Variants in PPFIBP2 observed in about 807,000 individuals in gnomAD.
PPFIBP2 encodes the protein liprin-beta-2.
A neutral mutation model predicts 118.3 loss-of-function variants in PPFIBP2; 118 were observed. The ratio of observed to expected loss-of-function variants is 1.00; its 90% confidence interval spans 0.86 to 1.16. The LOEUF (loss-of-function observed/expected upper bound fraction) is 1.16, where lower values mean the gene tolerates loss of function less well. Among genes scored for constraint, PPFIBP2 ranks in the 50% most tolerant of loss-of-function variants. The pLI, the probability that PPFIBP2 is intolerant of heterozygous loss-of-function variation, is 0.00. For synonymous variants in PPFIBP2, 414 were observed against 397.4 expected (o/e 1.04, Z -0.50); for missense variants, 1,195 against 1,073.1 (o/e 1.11, Z -1.59).
intron 1 of PPFIBP2, among the ~76,000 whole-genome samples, chr11:7,536,978 G>C (rs1851285499): frequency 6.6e-6 from 1 of 152,158 alleles, no homozygotes. Flanking sequence ...AGGTAGAAGG[G>C]ACAGGCTGGC....
In PPFIBP2 at chr11:7,591,273, T is replaced by G. The variant is rs547816523; in HGVS notation, c.280-1859T>G. Among the ~76,000 whole-genome samples the G allele has an allele frequency of 3.0e-4, 46 of 152,080 alleles. No homozygotes were observed. The South Asian group carries it at 6.4e-3, about 21-fold the overall frequency. Reference sequence around the variant, plus strand: ...AGTCTTGCCTTTGGTCTTCTCTCCTTCATTTCCTGCCAGAGAATGGGCGGC... The same window carrying G: ...AGTCTTGCCTTTGGTCTTCTCTCCTGCATTTCCTGCCAGAGAATGGGCGGC... On this transcript the variant is annotated intron_variant, in intron 3 of 23. Coordinates refer to ENST00000299492, the MANE Select transcript of PPFIBP2 (RefSeq NM_003621.5).
intron 3 of PPFIBP2, among the ~76,000 whole-genome samples, chr11:7,592,019 A>G (rs552636648): frequency 2.0e-5 from 3 of 152,334 alleles, no homozygotes; most frequent in South Asian, 4.1e-4. Context: ...GGTCTCTCAC[A>G]TCTGCCTCTT....
chr11:7,579,751 G>C (rs1856982840), intron 3 of PPFIBP2, among the ~76,000 whole-genome samples: 2 of 152,148 alleles, frequency 1.3e-5, no homozygotes, highest in South Asian at 2.1e-4. Flanking sequence ...AGTTTGCTTA[G>C]GGAAACTTTA....
At chr11:7,555,927 T>C (rs2134607299) in intron 2 of PPFIBP2, among the ~76,000 whole-genome samples, 1 of 152,262 alleles carries the variant, frequency 6.6e-6, no homozygotes, top group East Asian at 1.9e-4. Context: ...TTTTTTCTTT[T>C]AATGGTGTGG....
At chr11:7,632,975 A>C in intron 12 of PPFIBP2, 41 bp downstream of exon 12, 1 of 1,582,416 alleles carries the variant, frequency 6.3e-7, no homozygotes, top group Non-Finnish European at 8.7e-7. Context: ...CTGTGCTCTC[A>C]GGCTTGCCTT....
In PPFIBP2 at chr11:7,620,958, C is replaced by T. The variant is rs750618918; in HGVS notation, c.642C>T (p.His214=). ...KAEELLQELR[H]LKIKVEELEN... ...AGGAGTTACTGCAAGAGCTCAGGCA[C>T]CTCAAAATCAAAGTGGAAGAGTTGG... The change falls in exon 7 of 24, where the codon CAC becomes CAT. Residue 214 remains histidine, a synonymous_variant. Transcript: ENST00000299492. 2.2e-5 allele frequency: 36 copies of T among 1,612,122 alleles called. No homozygotes were observed. In the South Asian group the frequency reaches 3.5e-4, roughly 16 times the overall value.
At chr11:7,606,477 G>A (rs1010583377) in intron 5 of PPFIBP2, among the ~76,000 whole-genome samples, 2 of 152,124 alleles carry the variant, frequency 1.3e-5, no homozygotes, top group African/African-American at 4.8e-5. Flanking sequence ...ATCATGACAG[G>A]GGCAAGGGGA....
At chr11:7,606,525 A>G (rs1182415270) in intron 5 of PPFIBP2, among the ~76,000 whole-genome samples, 1 of 152,356 alleles carries the variant, frequency 6.6e-6, no homozygotes, top group Middle Eastern at 3.4e-3. Context: ...GCTAATAGAT[A>G]TAAGCTAGAA....
At chr11:7,611,168 C>T (rs555154773) in intron 6 of PPFIBP2, among the ~76,000 whole-genome samples, 1 of 152,170 alleles carries the variant, frequency 6.6e-6, no homozygotes, top group Non-Finnish European at 1.5e-5. Flanking sequence ...CATTTACTGA[C>T]CTAACTGCTT....
intron 2 of PPFIBP2, among the ~76,000 whole-genome samples, chr11:7,551,350 G>A (rs1852972677): frequency 6.6e-6 from 1 of 152,150 alleles, no homozygotes; most frequent in Non-Finnish European, 1.5e-5. Flanking sequence ...GTCAGGGAGG[G>A]ATGAAAATAC....
intron 17 of PPFIBP2, among the ~76,000 whole-genome samples, chr11:7,645,458 G>A (rs1852920794): frequency 6.6e-6 from 1 of 152,196 alleles, no homozygotes; most frequent in Non-Finnish European, 1.5e-5. Context: ...CATTTGAACT[G>A]CAATTTGAAA....
intron 1 of PPFIBP2, among the ~76,000 whole-genome samples, chr11:7,527,598 C>G (rs11041427): frequency 0.44 from 67,051 of 151,908 alleles, 15,227 homozygotes; most frequent in African/African-American, 0.53. Flanking sequence ...CCCCCTTACT[C>G]AAACAGATAG....
intron 6 of PPFIBP2, among the ~76,000 whole-genome samples, chr11:7,614,825 A>C (rs998663247): frequency 6.6e-6 from 1 of 152,268 alleles, no homozygotes. Flanking sequence ...GTAGTTTCAC[A>C]TAGAAAAGAA....
intron 3 of PPFIBP2, among the ~76,000 whole-genome samples, chr11:7,566,683 T>C (rs1855024862): frequency 6.6e-6 from 1 of 151,964 alleles, no homozygotes; most frequent in African/African-American, 2.4e-5. Flanking sequence ...TTCACTAATA[T>C]ACCTAAATTA....
intron 1 of PPFIBP2, among the ~76,000 whole-genome samples, chr11:7,543,282 T>C (rs1023809697): frequency 2.6e-5 from 4 of 152,236 alleles, no homozygotes; most frequent in Non-Finnish European, 4.4e-5. Context: ...CTATGGCTTA[T>C]GGGAGGCCTG....
At chr11:7,525,179 A>T (rs1047305820) in intron 1 of PPFIBP2, among the ~76,000 whole-genome samples, 49 of 152,276 alleles carry the variant, frequency 3.2e-4, no homozygotes, top group African/African-American at 1.2e-3. Flanking sequence ...GGGCCCTGGT[A>T]GCTCTAGAGT....
Position 7,599,797 on chromosome 11 carries a change from AT to A in PPFIBP2, c.486+2144del, listed in dbSNP as rs1200161212. Among the ~76,000 whole-genome samples, 414 of 117,380 alleles carry A rather than the reference AT, an allele frequency of 3.5e-3. 1 individual carries two copies. The highest frequency in any genetic ancestry group is 9.0e-3 in the African/African-American group (270 of 30,132). The allele number at this position is 117,380 out of a possible 152,430, so 77.0% of individuals were successfully genotyped here. A position where few individuals can be genotyped will look rare whatever the true frequency, so the allele number is the denominator to read the frequency against. ...AGGTGCCTGCCACCACGCCCGGCTA[AT>A]TTTTTTTTTTTTTTTTTTTGTAGTT... On this transcript the variant is annotated intron_variant, in intron 5 of 23. Coordinates refer to ENST00000299492, the MANE Select transcript of PPFIBP2 (RefSeq NM_003621.5).
At chr11:7,578,888 A>C (rs1216214618) in intron 3 of PPFIBP2, among the ~76,000 whole-genome samples, 2 of 152,110 alleles carry the variant, frequency 1.3e-5, no homozygotes, top group Admixed American at 1.3e-4. Flanking sequence ...GATTGTCCAG[A>C]TTGAGAGAGA....
chr11:7,518,995 C>T (rs1171729442), intron 1 of PPFIBP2, among the ~76,000 whole-genome samples: 3 of 152,108 alleles, frequency 2.0e-5, no homozygotes, highest in African/African-American at 7.2e-5. Context: ...GATGGGTTTA[C>T]AGGCTTCAGG....
Sources: allele counts gnomAD v4.1 joint callset (sites outside exome capture counted in the v4.1 genomes callset), GRCh38; gene constraint gnomAD v4.1.1; transcripts MANE v1.5; gene names NCBI Gene and HGNC (gene_info 2026-07-23, HGNC 2026-07-21).